Variants in ATCAY observed in about 807,000 individuals in gnomAD.
ATCAY encodes the protein ATCAY kinesin light chain interacting caytaxin.
Under a neutral mutation model 47.7 loss-of-function variants are expected in ATCAY, and 22 were observed. That is an observed-to-expected ratio of 0.46 (90% CI 0.33 to 0.66). The LOEUF (loss-of-function observed/expected upper bound fraction) is 0.66, where lower values mean the gene tolerates loss of function less well. ATCAY is among the 30% of genes least tolerant of loss of function. The probability of loss-of-function intolerance (pLI) is 0.02; values close to 1 mark genes in which losing one functional copy is unlikely to be tolerated. For synonymous variants in ATCAY, 216 were observed against 207.6 expected (o/e 1.04, Z -0.35); for missense variants, 452 against 515.0 (o/e 0.88, Z 1.18).
intron 11 of ATCAY, 105 bp downstream of exon 11, chr19:3,918,982 A>T: frequency 7.2e-7 from 1 of 1,395,010 alleles, no homozygotes; most frequent in Non-Finnish European, 1.0e-6. Context: ...CAGGGACAGA[A>T]AATGGAACTA....
At chr19:3,887,442 A>C (rs773957024) in intron 2 of ATCAY, among the ~76,000 whole-genome samples, 3 of 151,804 alleles carry the variant, frequency 2.0e-5, no homozygotes, top group Non-Finnish European at 2.9e-5. Context: ...TGGGTGACAG[A>C]GCGAGACTCT....
At chr19:3,917,584 C>CAAAAAA (rs71166940) in intron 9 of ATCAY, among the ~76,000 whole-genome samples, 158 bp from the exon 10 acceptor site, 1,464 of 40,830 alleles carry the variant, frequency 0.036, 108 homozygotes, top group Middle Eastern at 0.048. Context: ...GACTCCATCT[C>CAAAAAA]AAAAAAAAAA....
chr19:3,922,718 A>C (rs2145269022), intron 12 of ATCAY, among the ~76,000 whole-genome samples: 1 of 152,148 alleles, frequency 6.6e-6, no homozygotes, highest in South Asian at 2.1e-4. Context: ...CCTTGACCAC[A>C]CAGTTTTTTT....
rs1423845614 is a variant in ATCAY at position 3,883,027 on chromosome 19, T to C, written c.-42+2019T>C. 2.6e-5 allele frequency among the ~76,000 whole-genome samples: 4 copies of C among 151,832 alleles called. No homozygotes were observed. In the East Asian group the frequency reaches 7.8e-4, roughly 29 times the overall value. ...CTCGAACCCCTGGTCTCAAGTGATC[T>C]GCCCAAAGTGCTGGAATTCCAGGCA... On this transcript the variant is annotated intron_variant, in intron 1 of 12. Coordinates refer to ENST00000450849, the MANE Select transcript of ATCAY (RefSeq NM_033064.5).
intron 8 of ATCAY, among the ~76,000 whole-genome samples, chr19:3,912,067 CAT>C (rs909481008): frequency 3.3e-5 from 5 of 152,154 alleles, no homozygotes; most frequent in African/African-American, 1.2e-4. Flanking sequence ...AATTCAGTAA[CAT>C]AGACTACCTT....
Position 3,885,732 on chromosome 19 carries a change from A to G in ATCAY, c.-36A>G. ...CCTCTGCGGCTTCCTTTCAGGGGTCATCCCTGCTTCAAGCCAGTGCCTCTT... is the reference window on the plus strand; with the variant it reads ...CCTCTGCGGCTTCCTTTCAGGGGTCGTCCCTGCTTCAAGCCAGTGCCTCTT... On this transcript the variant is annotated 5_prime_UTR_variant, in exon 2 of 13. Transcript: ENST00000450849. The G allele has an allele frequency of 1.9e-6, 3 of 1,541,366 alleles. No individual in the cohort carries two copies. Among genetic ancestry groups the G allele is most frequent in the Non-Finnish European group, 2.6e-6 (3 of 1,139,252 alleles).
At chr19:3,920,702 AG>A in intron 11 of ATCAY, 63 bp from the exon 12 acceptor site, 1 of 1,417,974 alleles carries the variant, frequency 7.1e-7, no homozygotes, top group Non-Finnish European at 9.4e-7. Context: ...AAGAAAAAAA[AG>A]GGAAAATGCC....
chr19:3,914,235 CAA>C (rs56742726), intron 9 of ATCAY, among the ~76,000 whole-genome samples: 14 of 62,514 alleles, frequency 2.2e-4, no homozygotes, highest in African/African-American at 4.2e-4. Context: ...GACTCCATCG[CAA>C]AAAAAAAAAA....
intron 2 of ATCAY, among the ~76,000 whole-genome samples, chr19:3,887,284 C>A (rs1349915691): frequency 6.7e-6 from 1 of 149,386 alleles, no homozygotes; most frequent in Non-Finnish European, 1.5e-5. Flanking sequence ...ATAGTGAGAC[C>A]CCATTTCTAC....
At position 3,885,111 on chromosome 19, in the gene ATCAY, A is replaced by T. The variant is rs866218841; in HGVS notation, c.-41-616A>T. Among the ~76,000 whole-genome samples, 705 of 130,868 alleles carry T rather than the reference A, an allele frequency of 5.4e-3. 5 individuals are homozygous for T. Among genetic ancestry groups the T allele is most frequent in the African/African-American group, 0.022 (660 of 30,176 alleles). The allele number at this position is 130,868 out of a possible 152,430, so 85.9% of individuals were successfully genotyped here. On this transcript the variant is annotated intron_variant, in intron 1 of 12. Coordinates refer to ENST00000450849, the MANE Select transcript of ATCAY (RefSeq NM_033064.5). ...GAGCAAGATCATGTTTTTTTTTTTA[A>T]AAAAAAAAAAAAAAAAAAAAAAAAC...
intron 2 of ATCAY, among the ~76,000 whole-genome samples, chr19:3,887,708 G>C (rs1037482388): frequency 2.7e-5 from 4 of 150,058 alleles, no homozygotes; most frequent in East Asian, 2.0e-4. Flanking sequence ...GGATGGTCTC[G>C]ATCGTCTGAC....
chr19:3,898,695 G>T (rs2145234934), intron 2 of ATCAY, among the ~76,000 whole-genome samples: 1 of 151,918 alleles, frequency 6.6e-6, no homozygotes. Flanking sequence ...TTGTTTGTTT[G>T]TTTTTGAGAC....
Position 3,909,497 on chromosome 19 carries a change from G to A in ATCAY, c.659G>A (p.Ser220Asn). 6.2e-7 allele frequency: 1 copy of A among 1,613,618 alleles called. No homozygotes were observed. Among genetic ancestry groups the A allele is most frequent in the Non-Finnish European group, 8.5e-7 (1 of 1,179,700 alleles). The stretch of plus-strand genomic sequence containing the variant: ...TGCCCCGTGAGCAGGTACGTCATCA[G>A]CAGCTTAGAGCTCCTGGTGGCTGAG... ...IMENLFLYVI[S>N]SLELLVAEDY... Residue 220 changes from serine (S) to asparagine (N), a missense_variant, in exon 7 of 13, where the codon AGC becomes AAC. Coordinates refer to ENST00000450849, the MANE Select transcript of ATCAY (RefSeq NM_033064.5).
intron 2 of ATCAY, among the ~76,000 whole-genome samples, chr19:3,900,596 G>C (rs2038807875): frequency 6.6e-6 from 1 of 152,062 alleles, no homozygotes; most frequent in African/African-American, 2.4e-5. Context: ...GAGAGCAGTG[G>C]CACGATCTCG....
At chr19:3,899,605 A>G (rs1479542801) in intron 2 of ATCAY, among the ~76,000 whole-genome samples, 1 of 151,936 alleles carries the variant, frequency 6.6e-6, no homozygotes, top group Non-Finnish European at 1.5e-5. Flanking sequence ...ATGAGCCACC[A>G]CGCCCGGCCA....
chr19:3,896,736 G>GGAGATGGTGGCTGGAC (rs1280541158), intron 2 of ATCAY, among the ~76,000 whole-genome samples: 8 of 152,180 alleles, frequency 5.3e-5, no homozygotes, highest in African/African-American at 1.9e-4. Context: ...TCTGGCGGGA[G>GGAGATGGTGGCTGGAC]GAGATGGTGG....
intron 2 of ATCAY, among the ~76,000 whole-genome samples, chr19:3,893,225 G>A (rs559026603): frequency 3.1e-4 from 46 of 149,720 alleles, no homozygotes; most frequent in African/African-American, 1.0e-3. Context: ...CCAGGCTGGA[G>A]TGCAGTAGCA....
At chr19:3,887,295 C>CA (rs532226558) in intron 2 of ATCAY, among the ~76,000 whole-genome samples, 97 of 138,626 alleles carry the variant, frequency 7.0e-4, no homozygotes, top group South Asian at 1.2e-3. Flanking sequence ...CCATTTCTAC[C>CA]AAAAAAAAAA....
intron 2 of ATCAY, among the ~76,000 whole-genome samples, chr19:3,887,828 C>A (rs574951050): frequency 1.0e-4 from 15 of 147,654 alleles, no homozygotes; most frequent in African/African-American, 3.7e-4. Flanking sequence ...AAAAAAAGGC[C>A]GGTCGCTGTG....
Sources: gnomAD v4.1 joint callset for allele counts (sites outside exome capture counted in the v4.1 genomes callset) on GRCh38, gnomAD v4.1.1 for gene constraint, MANE v1.5 for transcripts, NCBI Gene and HGNC (gene_info 2026-07-23, HGNC 2026-07-21) for gene names.